The following CSMD1 variants were observed in gnomAD, a reference collection of about 807,000 sequenced individuals.
CSMD1 encodes CUB and Sushi multiple domains 1, also known as CUB and sushi domain-containing protein 1.
A neutral mutation model predicts 417.5 loss-of-function variants in CSMD1; 213 were observed. The ratio of observed to expected loss-of-function variants is 0.51; its 90% CI spans 0.46 to 0.57. The LOEUF (loss-of-function observed/expected upper bound fraction) is 0.57. Ranked by LOEUF, CSMD1 falls within the 20% of genes least tolerant of loss-of-function variation. The pLI is 0.00. For missense variants in CSMD1, 6,923 were observed against 4,529.7 expected (o/e 1.53, Z -15.17); for synonymous variants, 2,862 against 1,736.8 (o/e 1.65, Z -16.11).
intron 1 of CSMD1, among the ~76,000 whole-genome samples, chr8:4,815,591 G>C (rs1479868250): frequency 6.6e-6 from 1 of 151,128 alleles, no homozygotes; most frequent in Non-Finnish European, 1.5e-5. Context: ...AGCTATTTGG[G>C]AGGCTGAGGC....
chr8:4,118,555 C>T (rs1802294539), intron 3 of CSMD1, among the ~76,000 whole-genome samples: 1 of 152,188 alleles, frequency 6.6e-6, no homozygotes, highest in Admixed American at 6.5e-5. Context: ...CATCTCACGC[C>T]AGTAAAAATG....
chr8:3,649,560 G>A (rs755041822), intron 7 of CSMD1, among the ~76,000 whole-genome samples: 1 of 152,154 alleles, frequency 6.6e-6, no homozygotes, highest in Non-Finnish European at 1.5e-5. Flanking sequence ...GGAAGGAGAA[G>A]TGCTGTGCAA....
chr8:4,458,037 T>A (rs79316211), intron 2 of CSMD1, among the ~76,000 whole-genome samples: 23 of 152,212 alleles, frequency 1.5e-4, no homozygotes, highest in Non-Finnish European at 2.6e-4. Flanking sequence ...CTCTATTCTT[T>A]AAAATTCCTT....
intron 1 of CSMD1, among the ~76,000 whole-genome samples, chr8:4,744,002 G>C (rs563901809): frequency 1.3e-5 from 2 of 152,284 alleles, no homozygotes; most frequent in African/African-American, 2.4e-5. Flanking sequence ...TTAAAGTCAC[G>C]CTCTAGAGCC....
intron 3 of CSMD1, among the ~76,000 whole-genome samples, chr8:4,323,089 G>GAA (rs71534391): frequency 5.3e-4 from 80 of 152,056 alleles, no homozygotes; most frequent in African/African-American, 1.9e-3. Context: ...CGAAGGAATG[G>GAA]AAAAATCATA....
intron 34 of CSMD1, 117 bp from the exon 35 acceptor site, chr8:3,189,128 T>C (rs1585602259): frequency 2.2e-6 from 2 of 912,206 alleles, no homozygotes; most frequent in East Asian, 5.5e-5. Flanking sequence ...TGAACAATGA[T>C]ACGTTAAACG....
intron 1 of CSMD1, among the ~76,000 whole-genome samples, chr8:4,802,099 G>A (rs1008359588): frequency 6.6e-6 from 1 of 152,192 alleles, no homozygotes; most frequent in Non-Finnish European, 1.5e-5. Flanking sequence ...AATATTAAGT[G>A]TCCACAGACA....
At chr8:3,122,871 C>A (rs184905122) in intron 41 of CSMD1, among the ~76,000 whole-genome samples, 107 of 152,232 alleles carry the variant, frequency 7.0e-4, no homozygotes, top group African/African-American at 2.5e-3. Context: ...ACAGTAGCTA[C>A]ATTATATACA....
At chr8:4,737,535 A>T (rs1306756806) in intron 1 of CSMD1, among the ~76,000 whole-genome samples, 1 of 152,202 alleles carries the variant, frequency 6.6e-6, no homozygotes, top group East Asian at 1.9e-4. Flanking sequence ...CAGACACATG[A>T]TTGATGATTT....
At chr8:3,736,695 G>C (rs1163009968) in intron 6 of CSMD1, among the ~76,000 whole-genome samples, 1 of 152,166 alleles carries the variant, frequency 6.6e-6, no homozygotes, top group African/African-American at 2.4e-5. Flanking sequence ...GAATGGAGCT[G>C]GGGATAAGGA....
At chr8:3,281,634 C>G (rs1447061477) in intron 26 of CSMD1, among the ~76,000 whole-genome samples, 3 of 152,092 alleles carry the variant, frequency 2.0e-5, no homozygotes, top group South Asian at 2.1e-4. Flanking sequence ...AAAGACAAAA[C>G]TATGGAGACA....
At chr8:3,572,303 G>A (rs1238892527) in intron 10 of CSMD1, among the ~76,000 whole-genome samples, 1 of 152,138 alleles carries the variant, frequency 6.6e-6, no homozygotes, top group Non-Finnish European at 1.5e-5. Context: ...CAGAAAGCAG[G>A]AGCTTCAGGG....
chr8:3,253,239 C>A (rs550707110), intron 26 of CSMD1, among the ~76,000 whole-genome samples: 1 of 152,102 alleles, frequency 6.6e-6, no homozygotes, highest in Non-Finnish European at 1.5e-5. Flanking sequence ...TCTTTGCTCT[C>A]GTTGGTTTCA....
chr8:4,558,054 T>C (rs1423376461), intron 2 of CSMD1, among the ~76,000 whole-genome samples: 1 of 152,178 alleles, frequency 6.6e-6, no homozygotes, highest in Non-Finnish European at 1.5e-5. Context: ...CCTTATGTCA[T>C]ACTGACTCAG....
In CSMD1 at chr8:2,995,390, C is replaced by T. The variant is rs1181474873; in HGVS notation, c.8377+2621G>A. Among the ~76,000 whole-genome samples, 5 of 152,252 alleles carry T rather than the reference C, an allele frequency of 3.3e-5. No individual in the cohort carries two copies. The East Asian group carries it at 7.7e-4, about 24-fold the overall frequency. ...GAAAGCTAAAATAAGACAGAGTGAC[C>T]GCACCGAATGCTGGACAGGATGTAG... On this transcript the variant is annotated intron_variant, in intron 54 of 69. Coordinates refer to ENST00000635120, the MANE Select transcript of CSMD1 (RefSeq NM_033225.6).
intron 46 of CSMD1, among the ~76,000 whole-genome samples, chr8:3,101,795 T>C (rs1435402255): frequency 8.1e-6 from 1 of 123,306 alleles, no homozygotes; most frequent in African/African-American, 2.9e-5. Context: ...GTTTCTTTCT[T>C]TTTCTTTTTT....
At chr8:4,740,927 AC>A (rs1171630927) in intron 1 of CSMD1, among the ~76,000 whole-genome samples, 1 of 152,230 alleles carries the variant, frequency 6.6e-6, no homozygotes, top group Non-Finnish European at 1.5e-5. Context: ...AAGTTTCAAA[AC>A]AAAAAACACT....
chr8:4,766,405 C>A (rs1178331323), intron 1 of CSMD1, among the ~76,000 whole-genome samples: 1 of 152,154 alleles, frequency 6.6e-6, no homozygotes. Context: ...CGTCCAAAGC[C>A]GTGAGACAGA....
intron 6 of CSMD1, among the ~76,000 whole-genome samples, chr8:3,742,987 G>T (rs752780004): frequency 1.3e-5 from 2 of 152,138 alleles, no homozygotes; most frequent in Non-Finnish European, 2.9e-5. Context: ...ACTAGTGGAA[G>T]CAGTAAAATC....
Sources: gnomAD v4.1 joint callset for allele counts (sites outside exome capture counted in the v4.1 genomes callset) on GRCh38, gnomAD v4.1.1 for gene constraint, MANE v1.5 for transcripts, NCBI Gene and HGNC (gene_info 2026-07-23, HGNC 2026-07-21) for gene names.